The following CDC16 variants were observed in gnomAD, a reference collection of about 807,000 sequenced individuals.
CDC16 encodes the protein cell division cycle protein 16 homolog.
Under a neutral mutation model 87.0 loss-of-function variants are expected in CDC16, and 34 were observed. The ratio of observed to expected loss-of-function variants is 0.39; its 90% CI spans 0.30 to 0.52. The LOEUF is 0.52. Ranked by LOEUF, CDC16 falls within the 20% of genes least tolerant of loss-of-function variation. CDC16 has a pLI of 0.74. For synonymous variants in CDC16, 263 were observed against 260.6 expected, an observed-to-expected ratio of 1.01 and a Z score of -0.09; for missense variants, 653 against 751.9, an observed-to-expected ratio of 0.87 and a Z score of 1.54.
intron 3 of CDC16, 109 bp from the exon 4 acceptor site, chr13:114,238,881 T>G: frequency 1.4e-6 from 2 of 1,389,028 alleles, no homozygotes; most frequent in Middle Eastern, 2.5e-4. Flanking sequence ...ACTGCAAGAG[T>G]AAAAGGAGAA....
At chr13:114,250,769 C>A in intron 12 of CDC16, 95 bp downstream of exon 12, 2 of 1,218,324 alleles carry the variant, frequency 1.6e-6, no homozygotes, top group Non-Finnish European at 2.3e-6. Flanking sequence ...GGTTGCTAAA[C>A]TAAACACAAA....
At chr13:114,243,444 CTT>C (rs2081664922) in intron 7 of CDC16, 96 bp downstream of exon 7, 3 of 617,856 alleles carry the variant, frequency 4.9e-6, no homozygotes, top group Non-Finnish European at 5.8e-6. Flanking sequence ...AAAATTAAAA[CTT>C]TTTAAATTTA....
Position 114,257,129 on chromosome 13 carries a change from C to T in CDC16, c.1149C>T (p.Asn383=). Residue 383 remains asparagine, a synonymous_variant, in exon 13 of 18, where the codon AAC becomes AAT. Transcript: ENST00000356221. Reference sequence around the variant, plus strand: ...GATTAGAATATGGTTTGACCAATAACTCAAAACTAGCTGAAAGGTTCTTCA... The same window carrying T: ...GATTAGAATATGGTTTGACCAATAATTCAAAACTAGCTGAAAGGTTCTTCA... The part of the protein sequence containing the change: ...YIGLEYGLTN[N]SKLAERFFSQ... The T allele has an allele frequency of 6.2e-6, 10 of 1,612,206 alleles. No homozygotes were observed. The highest frequency in any genetic ancestry group is 8.5e-6 in the Non-Finnish European group (10 of 1,178,534).
At chr13:114,268,275 C>G (rs182045817) in intron 17 of CDC16, among the ~76,000 whole-genome samples, 1 of 152,286 alleles carries the variant, frequency 6.6e-6, no homozygotes, top group East Asian at 1.9e-4. Flanking sequence ...GCTTACCTCC[C>G]GACTGGCTCA....
At chr13:114,261,782 A>G (rs1210223446) in intron 14 of CDC16, 105 bp from the exon 15 acceptor site, 1 of 717,298 alleles carries the variant, frequency 1.4e-6, no homozygotes, top group African/African-American at 1.8e-5. Context: ...GGCGGCACAC[A>G]CTGGGAGAGA....
rs372077623 is a variant in CDC16, at chr13:114,239,509, A to C, written c.381+19A>C. On this transcript the variant is annotated intron_variant, in intron 5 of 17. Transcript: ENST00000356221. ...GTCTTCAGTAAGTAGTACTGTGAGC[A>C]CAGCTCAGTAACGGCGGCGAGAATT... 2.0e-5 allele frequency: 31 copies of C among 1,551,792 alleles called. No homozygotes were observed. In the African/African-American group the frequency reaches 2.9e-4, roughly 14 times the overall value.
At chr13:114,269,007 A>AT (rs1425396443) in intron 17 of CDC16, among the ~76,000 whole-genome samples, 2 of 152,164 alleles carry the variant, frequency 1.3e-5, no homozygotes, top group Non-Finnish European at 2.9e-5. Flanking sequence ...TAAGCCTATT[A>AT]TATCAGCTCT....
intron 17 of CDC16, among the ~76,000 whole-genome samples, chr13:114,271,290 T>C (rs17338396): frequency 0.024 from 3,717 of 152,308 alleles, 155 homozygotes; most frequent in African/African-American, 0.085. Flanking sequence ...ACTACCTATT[T>C]CTGAAAGCTA....
At position 114,272,461 on chromosome 13, in the gene CDC16, G is replaced by C. The variant is rs1354654333; in HGVS notation, c.*18G>C. 8 of 1,608,122 alleles carry C rather than the reference G, an allele frequency of 5.0e-6. No individual in the cohort carries two copies. The highest frequency in any genetic ancestry group is 6.8e-6 in the Non-Finnish European group (8 of 1,175,540). On this transcript the variant is annotated 3_prime_UTR_variant, in exon 18 of 18. Coordinates refer to ENST00000356221, the MANE Select transcript of CDC16 (RefSeq NM_001078645.3). ...GCACGTGACTCCAGTCAGTGGTCCTGGTCCCACTGTCCCAGTGTAGGTTAG... is the reference window on the plus strand; with the variant it reads ...GCACGTGACTCCAGTCAGTGGTCCTCGTCCCACTGTCCCAGTGTAGGTTAG...
intron 3 of CDC16, among the ~76,000 whole-genome samples, chr13:114,238,150 T>G (rs1325394261): frequency 5.8e-3 from 778 of 134,692 alleles, no homozygotes; most frequent in African/African-American, 0.022. Context: ...TCACACTCAG[T>G]GCCTGAAGTG....
intron 7 of CDC16, 143 bp downstream of exon 7, chr13:114,243,491 A>G (rs982704838): frequency 7.3e-6 from 3 of 413,122 alleles, no homozygotes; most frequent in Non-Finnish European, 1.2e-5. Flanking sequence ...TAAGATACAT[A>G]AGATTCCAAA....
intron 12 of CDC16, among the ~76,000 whole-genome samples, chr13:114,252,031 CCTGTTGGATAAGAGCCCT>C (rs2082213690): frequency 3.3e-5 from 5 of 150,172 alleles, no homozygotes; most frequent in African/African-American, 7.4e-5. Flanking sequence ...TTACACTAGC[CCTGTTGGATAAGAGCCCT>C]ACACTAACCC....
At position 114,243,988 on chromosome 13, in the gene CDC16, G is replaced by A. The variant is rs772026621; in HGVS notation, c.766G>A (p.Val256Ile). The change falls in exon 8 of 18, where the codon GTA becomes ATA. Residue 256 changes from valine to isoleucine, a missense_variant and splice_region_variant. Transcript: ENST00000356221. The part of the protein sequence containing the change: ...DFKMCYKLTS[V>I]VMEKDPFHAS... ...TAAAATGTGCTACAAGCTTACTTCT[G>A]TGTAAGTATATCCATCCATTTTTCT... The A allele has an allele frequency of 1.9e-6, 3 of 1,605,682 alleles. No homozygotes were observed. The highest frequency in any genetic ancestry group is 1.7e-5 in the Admixed American group (1 of 59,550).
intron 17 of CDC16, among the ~76,000 whole-genome samples, chr13:114,268,633 TAAG>T (rs2083402378): frequency 6.6e-6 from 1 of 152,096 alleles, no homozygotes; most frequent in African/African-American, 2.4e-5. Context: ...CTGCCTCAGT[TAAG>T]AAGCAAATAA....
chr13:114,240,176 T>C (rs181224191), intron 5 of CDC16, among the ~76,000 whole-genome samples: 67 of 152,310 alleles, frequency 4.4e-4, no homozygotes, highest in African/African-American at 1.6e-3. Context: ...CCTGTAAGCC[T>C]TACCTGACCT....
intron 15 of CDC16, 150 bp from the exon 16 acceptor site, chr13:114,262,729 C>T: frequency 2.7e-6 from 2 of 736,724 alleles, no homozygotes; most frequent in Admixed American, 2.4e-5. Context: ...TATTGAGATG[C>T]ATGAGAGTAG....
intron 13 of CDC16, among the ~76,000 whole-genome samples, chr13:114,258,349 TC>T (rs1336274301): frequency 1.3e-5 from 2 of 152,194 alleles, no homozygotes; most frequent in Non-Finnish European, 1.5e-5. Flanking sequence ...CACACACACT[TC>T]CAGCTGGAGT....
chr13:114,248,678 C>G (rs1365628663), intron 11 of CDC16, among the ~76,000 whole-genome samples: 1 of 150,586 alleles, frequency 6.6e-6, no homozygotes, highest in Non-Finnish European at 1.5e-5. Flanking sequence ...GAGACTCTGT[C>G]TCAAAAAAAA....
At chr13:114,268,400 A>C (rs965326595) in intron 17 of CDC16, among the ~76,000 whole-genome samples, 1 of 152,242 alleles carries the variant, frequency 6.6e-6, no homozygotes, top group African/African-American at 2.4e-5. Flanking sequence ...AGGTGTATTG[A>C]AGTGAAAGTA....
Sources: allele counts gnomAD v4.1 joint callset (sites outside exome capture counted in the v4.1 genomes callset), GRCh38; gene constraint gnomAD v4.1.1; transcripts MANE v1.5; gene names NCBI Gene and HGNC (gene_info 2026-07-23, HGNC 2026-07-21).